SPECC1: variants seen among roughly 807,000 people sequenced by gnomAD.
SPECC1 encodes the protein sperm antigen with calponin homology and coiled-coil domains 1, also known as cytospin-B.
In SPECC1, 62 loss-of-function variants were observed where a neutral mutation model predicts 104.1. The ratio of observed to expected loss-of-function variants is 0.60; its 90% CI spans 0.49 to 0.74. The LOEUF (loss-of-function observed/expected upper bound fraction) is 0.74, where lower values mean the gene tolerates loss of function less well. Among genes scored for constraint, SPECC1 ranks in the 30% least tolerant of loss-of-function variants. The probability of loss-of-function intolerance (pLI) is 0.00; values close to 1 mark genes in which losing one functional copy is unlikely to be tolerated. For synonymous variants in SPECC1, 513 were observed against 501.6 expected (o/e 1.02, Z -0.30); for missense variants, 1,306 against 1,310.5 (o/e 1.00, Z 0.05).
At chr17:20,161,987 GT>G (rs2033200128) in intron 3 of SPECC1, among the ~76,000 whole-genome samples, 2 of 151,794 alleles carry the variant, frequency 1.3e-5, no homozygotes, top group South Asian at 4.2e-4. Context: ...TAGAGACGGG[GT>G]TTCGCCATGT....
chr17:20,222,238 C>T (rs891843567), intron 4 of SPECC1, among the ~76,000 whole-genome samples: 14 of 151,936 alleles, frequency 9.2e-5, no homozygotes, highest in African/African-American at 3.1e-4. Context: ...GAGACTGAGA[C>T]AGGAAAATTG....
At chr17:20,272,298 T>C (rs2040434755) in intron 12 of SPECC1, among the ~76,000 whole-genome samples, 1 of 151,942 alleles carries the variant, frequency 6.6e-6, no homozygotes, top group Non-Finnish European at 1.5e-5. Flanking sequence ...GAGGCTTCCC[T>C]AACTTTAATC....
At chr17:20,116,480 A>G (rs2152530757) in intron 3 of SPECC1, among the ~76,000 whole-genome samples, 1 of 136,256 alleles carries the variant, frequency 7.3e-6, no homozygotes, top group East Asian at 2.0e-4. Context: ...ATTTAGAAAT[A>G]GTGTGAGCAT....
At chr17:20,247,080 A>C (rs543014076) in intron 8 of SPECC1, 139 bp from the exon 9 acceptor site, 6 of 565,172 alleles carry the variant, frequency 1.1e-5, no homozygotes, top group Non-Finnish European at 1.8e-5. Flanking sequence ...TCCGGAGAAG[A>C]AAAGGATAAT....
intron 3 of SPECC1, among the ~76,000 whole-genome samples, chr17:20,174,607 TC>T (rs34266086): frequency 0.4 from 60,999 of 151,924 alleles, 13,190 homozygotes; most frequent in East Asian, 0.8. Flanking sequence ...CATCAGTCTC[TC>T]CCCCCCATCA....
chr17:20,093,648 C>A (rs1397037036), intron 1 of SPECC1, among the ~76,000 whole-genome samples: 1 of 151,804 alleles, frequency 6.6e-6, no homozygotes, highest in Non-Finnish European at 1.5e-5. Flanking sequence ...TGCACCTGCT[C>A]CCCTTCTAGT....
At chr17:20,055,059 C>T (rs892122039) in intron 1 of SPECC1, among the ~76,000 whole-genome samples, 6 of 152,116 alleles carry the variant, frequency 3.9e-5, no homozygotes, top group South Asian at 2.1e-4. Context: ...TTAACTGCAA[C>T]GTTATGTTCG....
At chr17:20,261,361 G>C (rs915450113) in intron 12 of SPECC1, among the ~76,000 whole-genome samples, 2 of 151,976 alleles carry the variant, frequency 1.3e-5, no homozygotes, top group Admixed American at 6.5e-5. Context: ...AATTAGCCGG[G>C]CGTGGTGGCG....
intron 3 of SPECC1, among the ~76,000 whole-genome samples, chr17:20,125,873 T>C (rs147164060): frequency 2.6e-5 from 4 of 152,320 alleles, no homozygotes; most frequent in Admixed American, 6.5e-5. Flanking sequence ...AATTCTAAGC[T>C]TGAGGACACA....
intron 1 of SPECC1, chr17:20,056,460 C>T (rs898425776): frequency 5.0e-5 from 10 of 201,146 alleles, no homozygotes; most frequent in Admixed American, 1.4e-4. Flanking sequence ...GAATGAATTC[C>T]GCGATGATAT....
rs530206712 is a variant in SPECC1, at chr17:20,243,037, T to C, written c.2352-2889T>C. On this transcript the variant is annotated intron_variant, in intron 7 of 14. Transcript: ENST00000395527. ...ATGTAACTGAAGAAAGAGCCAATCA[T>C]GAAATGCTGGAGGGAATGCAAGTAT... Among the ~76,000 whole-genome samples the C allele has an allele frequency of 3.3e-4, 50 of 152,318 alleles. 1 individual carries two copies. The South Asian group carries it at 8.5e-3, about 26-fold the overall frequency.
chr17:20,045,189 C>G (rs1357540087), intron 1 of SPECC1, among the ~76,000 whole-genome samples: 3 of 152,104 alleles, frequency 2.0e-5, no homozygotes, highest in Non-Finnish European at 4.4e-5. Context: ...CTCATACTGA[C>G]TATCATAAGC....
chr17:20,156,823 C>T (rs1020151192), intron 3 of SPECC1, among the ~76,000 whole-genome samples: 1 of 152,202 alleles, frequency 6.6e-6, no homozygotes, highest in African/African-American at 2.4e-5. Flanking sequence ...TAGCTCATGT[C>T]GGCCCCCAGC....
intron 12 of SPECC1, among the ~76,000 whole-genome samples, chr17:20,276,938 G>A (rs955036875): frequency 6.6e-6 from 1 of 152,210 alleles, no homozygotes; most frequent in African/African-American, 2.4e-5. Context: ...CATGGGCAAG[G>A]GCCAAGTCCA....
intron 1 of SPECC1, among the ~76,000 whole-genome samples, chr17:20,037,502 T>C (rs1332485824): frequency 1.3e-5 from 2 of 151,556 alleles, no homozygotes; most frequent in East Asian, 1.9e-4. Flanking sequence ...TTTTTTTTTT[T>C]CTGACTGTTC....
At chr17:20,104,289 G>T (rs569197645) in intron 2 of SPECC1, among the ~76,000 whole-genome samples, 2 of 152,304 alleles carry the variant, frequency 1.3e-5, no homozygotes, top group South Asian at 4.1e-4. Context: ...AATCAGCCCA[G>T]ACAGTGTGGG....
intron 1 of SPECC1, among the ~76,000 whole-genome samples, chr17:20,035,604 G>A (rs2045038815): frequency 6.6e-6 from 1 of 151,876 alleles, no homozygotes; most frequent in Non-Finnish European, 1.5e-5. Context: ...AGTACATAGA[G>A]ATACAATTTT....
At chr17:20,300,979 C>T (rs2041557157) in intron 13 of SPECC1, among the ~76,000 whole-genome samples, 2 of 152,128 alleles carry the variant, frequency 1.3e-5, no homozygotes, top group Admixed American at 6.5e-5. Flanking sequence ...AATTACAGCC[C>T]GTTTGCCACT....
At chr17:20,028,989 C>T (rs1351953189) in intron 1 of SPECC1, among the ~76,000 whole-genome samples, 6 of 152,000 alleles carry the variant, frequency 3.9e-5, no homozygotes, top group Non-Finnish European at 5.9e-5. Context: ...CTCGAGCTCC[C>T]GACCTCAGGT....
Sources: allele counts gnomAD v4.1 joint callset (sites outside exome capture counted in the v4.1 genomes callset), GRCh38; gene constraint gnomAD v4.1.1; transcripts MANE v1.5; gene names NCBI Gene and HGNC (gene_info 2026-07-23, HGNC 2026-07-21).